ARHGAP15: variants seen among roughly 807,000 people sequenced by gnomAD.
ARHGAP15 encodes rho GTPase-activating protein 15.
A neutral mutation model predicts 63.7 loss-of-function variants in ARHGAP15; 51 were observed. That is an observed-to-expected ratio of 0.80 (90% CI 0.64 to 1.01). ARHGAP15 has a LOEUF of 1.01. ARHGAP15 is among the 50% of genes least tolerant of loss of function. The pLI is 0.00. For synonymous variants in ARHGAP15, 191 were observed against 193.8 expected (o/e 0.99, Z 0.12); for missense variants, 560 against 564.6 (o/e 0.99, Z 0.08).
chr2:143,709,237 A>G (rs1288357088), intron 13 of ARHGAP15, among the ~76,000 whole-genome samples: 1 of 152,204 alleles, frequency 6.6e-6, no homozygotes, highest in African/African-American at 2.4e-5. Context: ...GCAAGCCAAA[A>G]CAATCTCAAA....
chr2:143,175,622 A>C (rs1257237696), intron 2 of ARHGAP15, among the ~76,000 whole-genome samples: 1 of 152,152 alleles, frequency 6.6e-6, no homozygotes. Context: ...GGGGATACTC[A>C]CCACTCTCAT....
intron 12 of ARHGAP15, among the ~76,000 whole-genome samples, chr2:143,627,761 A>G (rs911883675): frequency 6.6e-6 from 1 of 151,992 alleles, no homozygotes; most frequent in South Asian, 2.1e-4. Context: ...CTTCCCTTTT[A>G]TTCTCTGTAC....
chr2:143,720,490 T>C (rs1685001723), intron 13 of ARHGAP15, among the ~76,000 whole-genome samples: 1 of 152,026 alleles, frequency 6.6e-6, no homozygotes, highest in Non-Finnish European at 1.5e-5. Flanking sequence ...TGGCGTCAAC[T>C]AATTGCTAGA....
chr2:143,130,461 C>T (rs1332938966), intron 1 of ARHGAP15, among the ~76,000 whole-genome samples: 1 of 152,020 alleles, frequency 6.6e-6, no homozygotes, highest in Non-Finnish European at 1.5e-5. Context: ...TATTGTGCTG[C>T]TGGATGGGAG....
intron 6 of ARHGAP15, among the ~76,000 whole-genome samples, chr2:143,434,517 C>T (rs1371096567): frequency 6.6e-6 from 1 of 151,982 alleles, no homozygotes; most frequent in Non-Finnish European, 1.5e-5. Context: ...ATAGAGATGG[C>T]CTAAAGCGTG....
chr2:143,768,210 T>G lies in ARHGAP15; in HGVS notation c.*38T>G. On this transcript the variant is annotated 3_prime_UTR_variant, in exon 14 of 14. Coordinates refer to ENST00000295095, the MANE Select transcript of ARHGAP15 (RefSeq NM_018460.4). ...GCTACTGAATACGTTCACATCTGTC[T>G]TGATGCCTAATATTTTTACATTTCT... The G allele has an allele frequency of 6.6e-7, 1 of 1,503,880 alleles. No homozygotes were observed. The highest frequency in any genetic ancestry group is 8.9e-7 in the Non-Finnish European group (1 of 1,117,624). The allele number at this position is 1,503,880 out of a possible 1,614,324, so 93.2% of individuals were successfully genotyped here. A position where few individuals can be genotyped will look rare whatever the true frequency, so the allele number is the denominator to read the frequency against.
rs1031350321 is a variant in ARHGAP15 at position 143,539,801 on chromosome 2, T to C, written c.926-16607T>C. On this transcript the variant is annotated intron_variant, in intron 10 of 13. Coordinates refer to ENST00000295095, the MANE Select transcript of ARHGAP15 (RefSeq NM_018460.4). ...TGCTGAGGAGTGCTTTACTTCCAAC[T>C]ATGTGGTCAATTTTGGAATAGGAGT... Among the ~76,000 whole-genome samples, 166 of 152,204 alleles carry C rather than the reference T, an allele frequency of 1.1e-3. 1 individual carries two copies. The highest frequency in any genetic ancestry group is 3.9e-3 in the African/African-American group (161 of 41,516).
intron 2 of ARHGAP15, among the ~76,000 whole-genome samples, chr2:143,179,409 C>T (rs1037131528): frequency 1.3e-5 from 2 of 152,166 alleles, no homozygotes; most frequent in Non-Finnish European, 2.9e-5. Context: ...AGACATAGCT[C>T]AACTGTGTCT....
chr2:143,556,505 G>T lies in ARHGAP15; in HGVS notation c.1003+20G>T, dbSNP rs750360426. On this transcript the variant is annotated intron_variant, in intron 11 of 13. Coordinates refer to ENST00000295095, the MANE Select transcript of ARHGAP15 (RefSeq NM_018460.4). ...ACCAAGGTAAGTGATTTCCACTTCAGAGATTTTTTCAAACAGTTTCATATG... is the reference window on the plus strand; with the variant it reads ...ACCAAGGTAAGTGATTTCCACTTCATAGATTTTTTCAAACAGTTTCATATG... 1 of 1,597,680 alleles carries T rather than the reference G, an allele frequency of 6.3e-7. No homozygotes were observed. Among genetic ancestry groups the T allele is most frequent in the Non-Finnish European group, 8.6e-7 (1 of 1,166,186 alleles).
At chr2:143,187,148 ATT>A (rs1049723199) in intron 2 of ARHGAP15, among the ~76,000 whole-genome samples, 1 of 151,656 alleles carries the variant, frequency 6.6e-6, no homozygotes, top group Non-Finnish European at 1.5e-5. Context: ...AATAGCATGA[ATT>A]TTTTTTTCTG....
At chr2:143,539,291 T>TA (rs1694931520) in intron 10 of ARHGAP15, among the ~76,000 whole-genome samples, 1 of 152,184 alleles carries the variant, frequency 6.6e-6, no homozygotes, top group African/African-American at 2.4e-5. Context: ...TTAGTCTTGC[T>TA]AGCGGTCTAT....
At chr2:143,763,706 A>ATATG (rs1553538155) in intron 13 of ARHGAP15, among the ~76,000 whole-genome samples, 3 of 129,098 alleles carry the variant, frequency 2.3e-5, no homozygotes, top group African/African-American at 2.9e-5. Context: ...ATGTGTATGT[A>ATATG]TATGTGTATG....
At chr2:143,344,937 C>T (rs766638289) in intron 6 of ARHGAP15, among the ~76,000 whole-genome samples, 4 of 152,024 alleles carry the variant, frequency 2.6e-5, no homozygotes, top group African/African-American at 4.8e-5. Flanking sequence ...CTTAAGCGGT[C>T]GGAAAATCAT....
intron 11 of ARHGAP15, among the ~76,000 whole-genome samples, chr2:143,612,368 T>C (rs1029218171): frequency 1.3e-5 from 2 of 152,170 alleles, no homozygotes; most frequent in Non-Finnish European, 2.9e-5. Context: ...GCCAGTTGCA[T>C]CCAAAAGCCT....
intron 2 of ARHGAP15, among the ~76,000 whole-genome samples, chr2:143,158,603 G>C (rs771044726): frequency 9.9e-5 from 15 of 151,910 alleles, no homozygotes; most frequent in Non-Finnish European, 1.9e-4. Flanking sequence ...ATGTTGGAGA[G>C]GTGGGCAGTT....
intron 10 of ARHGAP15, among the ~76,000 whole-genome samples, chr2:143,549,461 A>G (rs141642346): frequency 2.2e-4 from 34 of 152,296 alleles, no homozygotes; most frequent in African/African-American, 7.5e-4. Context: ...CACCACAATT[A>G]GGCACAGTTC....
At chr2:143,503,807 A>G (rs1269748424) in intron 9 of ARHGAP15, among the ~76,000 whole-genome samples, 1 of 152,210 alleles carries the variant, frequency 6.6e-6, no homozygotes, top group Admixed American at 6.5e-5. Flanking sequence ...TGCTACAGGT[A>G]TGATTGTTAT....
At chr2:143,197,240 CAT>C (rs1214857758) in intron 2 of ARHGAP15, among the ~76,000 whole-genome samples, 1 of 151,826 alleles carries the variant, frequency 6.6e-6, no homozygotes, top group Non-Finnish European at 1.5e-5. Context: ...AAATTACTGA[CAT>C]ATGGATGTAC....
intron 8 of ARHGAP15, among the ~76,000 whole-genome samples, chr2:143,440,026 T>C (rs1488304475): frequency 2.0e-5 from 3 of 152,162 alleles, no homozygotes; most frequent in Admixed American, 1.3e-4. Flanking sequence ...TTGGTGAGTA[T>C]GTATAGTTGT....
Sources: gnomAD v4.1 joint callset for allele counts (sites outside exome capture counted in the v4.1 genomes callset) on GRCh38, gnomAD v4.1.1 for gene constraint, MANE v1.5 for transcripts, NCBI Gene and HGNC (gene_info 2026-07-23, HGNC 2026-07-21) for gene names.